Variants in UBE2Q2 observed in about 807,000 individuals in gnomAD.
UBE2Q2 encodes ubiquitin conjugating enzyme E2 Q2.
A neutral mutation model predicts 59.9 loss-of-function variants in UBE2Q2; 54 were observed. The ratio of observed to expected loss-of-function variants is 0.90; its 90% CI spans 0.72 to 1.13. The LOEUF (loss-of-function observed/expected upper bound fraction) is 1.13, where lower values mean the gene tolerates loss of function less well. UBE2Q2 is among the 50% of genes most tolerant of loss of function. The pLI, the probability that UBE2Q2 is intolerant of heterozygous loss-of-function variation, is 0.00. For synonymous variants in UBE2Q2, 165 were observed against 155.2 expected (o/e 1.06, Z -0.47); for missense variants, 433 against 441.9 (o/e 0.98, Z 0.18).
chr15:75,899,841 A>G lies in UBE2Q2; in HGVS notation c.*383A>G, dbSNP rs576649396. On this transcript the variant is annotated 3_prime_UTR_variant, in exon 13 of 13. Transcript: ENST00000267938. ...ACAAGGATTTGCAATATATTGTTCC[A>G]TTTACAGCCAATACAGGTTTAATCG... The G allele has an allele frequency of 1.3e-5, 2 of 156,038 alleles. No homozygotes were observed. The highest frequency in any genetic ancestry group is 2.8e-5 in the Non-Finnish European group (2 of 70,344). The allele number at this position is 156,038 out of a possible 1,614,324, so 9.7% of individuals were successfully genotyped here.
At chr15:75,843,899 G>A (rs1896162485) in intron 1 of UBE2Q2, 53 bp downstream of exon 1, 3 of 1,491,380 alleles carry the variant, frequency 2.0e-6, no homozygotes, top group African/African-American at 2.9e-5. Flanking sequence ...GAGAGGGGGC[G>A]CTTCGAGTCC....
At chr15:75,872,701 A>G (rs1462135446) in intron 4 of UBE2Q2, among the ~76,000 whole-genome samples, 2 of 151,630 alleles carry the variant, frequency 1.3e-5, no homozygotes, top group Non-Finnish European at 2.9e-5. Context: ...CTTTTTTTCT[A>G]GTTATAAACG....
chr15:75,879,104 C>T lies in UBE2Q2; in HGVS notation c.741C>T (p.Asp247=). Residue 247 remains aspartate, a synonymous_variant, in exon 8 of 13, where the codon GAC becomes GAT. Transcript: ENST00000267938. ...YDWHVKLQKV[D]PDSPLHSDLQ... ...TTTGTTTTGTAATTCTTAGGGTTGACCCTGATAGTCCTTTGCACAGTGATC... is the reference window on the plus strand; with the variant it reads ...TTTGTTTTGTAATTCTTAGGGTTGATCCTGATAGTCCTTTGCACAGTGATC... 1 of 1,568,020 alleles carries T rather than the reference C, an allele frequency of 6.4e-7. No individual in the cohort carries two copies. The highest frequency in any genetic ancestry group is 2.0e-5 in the Admixed American group (1 of 50,810).
intron 2 of UBE2Q2, among the ~76,000 whole-genome samples, chr15:75,856,530 G>T (rs950678496): frequency 6.6e-6 from 1 of 152,138 alleles, no homozygotes; most frequent in Non-Finnish European, 1.5e-5. Flanking sequence ...AACTTAATAA[G>T]GAAAGGCTAG....
intron 9 of UBE2Q2, among the ~76,000 whole-genome samples, chr15:75,887,392 A>C (rs540363146): frequency 2.0e-5 from 3 of 152,264 alleles, no homozygotes; most frequent in African/African-American, 7.2e-5. Flanking sequence ...AATGATTTAC[A>C]TAGGTGAAAA....
chr15:75,883,555 G>C, intron 9 of UBE2Q2, 131 bp downstream of exon 9: 1 of 632,480 alleles, frequency 1.6e-6, no homozygotes. Flanking sequence ...TCCCACCTTG[G>C]CCTCCCAAAG....
At chr15:75,863,227 C>G (rs2593282) in intron 3 of UBE2Q2, among the ~76,000 whole-genome samples, 2,014 of 152,314 alleles carry the variant, frequency 0.013, 34 homozygotes, top group African/African-American at 0.045. Context: ...CAATATCCCC[C>G]TAACCTCCAC....
At chr15:75,846,068 CA>C (rs1896329388) in intron 1 of UBE2Q2, among the ~76,000 whole-genome samples, 1 of 152,152 alleles carries the variant, frequency 6.6e-6, no homozygotes, top group South Asian at 2.1e-4. Context: ...GGAAAATCAT[CA>C]AATGTACAAA....
chr15:75,883,490 C>T lies in UBE2Q2; in HGVS notation c.884+66C>T, dbSNP rs554825317. The T allele has an allele frequency of 2.9e-4, 326 of 1,139,536 alleles. 2 individuals are homozygous for T. The highest frequency in any genetic ancestry group is 1.1e-3 in the South Asian group (82 of 75,258). The allele number at this position is 1,139,536 out of a possible 1,614,324, so 70.6% of individuals were successfully genotyped here. ...TAAAAAAAATTTTTTTTTATAGGGA[C>T]GAGATCTCACTATGTTGCCCTGGCT... On this transcript the variant is annotated intron_variant, in intron 9 of 12. Coordinates refer to ENST00000267938, the MANE Select transcript of UBE2Q2 (RefSeq NM_173469.4).
At position 75,857,094 on chromosome 15, in the gene UBE2Q2, C is replaced by T. The variant is rs539546489; in HGVS notation, c.282+2607C>T. 3.3e-5 allele frequency among the ~76,000 whole-genome samples: 5 copies of T among 151,936 alleles called. No homozygotes were observed. In the South Asian group the frequency reaches 6.2e-4, roughly 19 times the overall value. The stretch of plus-strand genomic sequence containing the variant: ...TTGGCAACATAGCAAGACCCTCTTT[C>T]TCTCTCTCTCTGTACACACACATGC... On this transcript the variant is annotated intron_variant, in intron 2 of 12. Transcript: ENST00000267938.
chr15:75,854,999 T>C lies in UBE2Q2; in HGVS notation c.282+512T>C, dbSNP rs199539808. Among the ~76,000 whole-genome samples the C allele has an allele frequency of 2.1e-4, 32 of 152,298 alleles. No individual in the cohort carries two copies. The East Asian group carries it at 5.4e-3, about 26-fold the overall frequency. On this transcript the variant is annotated intron_variant, in intron 2 of 12. Coordinates refer to ENST00000267938, the MANE Select transcript of UBE2Q2 (RefSeq NM_173469.4). Reference sequence around the variant, plus strand: ...GATTATAAAACTCATGAGCAAGCATTATTGAGAAAATTAGTAAAATATAGA... The same window carrying C: ...GATTATAAAACTCATGAGCAAGCATCATTGAGAAAATTAGTAAAATATAGA...
intron 9 of UBE2Q2, among the ~76,000 whole-genome samples, chr15:75,887,482 G>T (rs112001679): frequency 1.3e-5 from 2 of 152,164 alleles, no homozygotes; most frequent in African/African-American, 4.8e-5. Context: ...ACACAAGGAG[G>T]GTAGGACTCA....
At chr15:75,881,122 A>C (rs1345095657) in intron 8 of UBE2Q2, among the ~76,000 whole-genome samples, 1 of 152,202 alleles carries the variant, frequency 6.6e-6, no homozygotes, top group Non-Finnish European at 1.5e-5. Flanking sequence ...GGAACGAATA[A>C]AGCACCCAGG....
chr15:75,856,337 G>A (rs1376937848), intron 2 of UBE2Q2, among the ~76,000 whole-genome samples: 1 of 149,582 alleles, frequency 6.7e-6, no homozygotes, highest in Non-Finnish European at 1.5e-5. Flanking sequence ...TTTGGAAGTT[G>A]ACAAAATGAC....
chr15:75,895,956 C>T (rs1014075237), intron 11 of UBE2Q2, among the ~76,000 whole-genome samples: 1 of 152,148 alleles, frequency 6.6e-6, no homozygotes, highest in Non-Finnish European at 1.5e-5. Context: ...TTGAGAAACC[C>T]TGATGTCCAC....
intron 12 of UBE2Q2, among the ~76,000 whole-genome samples, 197 bp from the exon 13 acceptor site, chr15:75,899,230 G>A (rs1169914849): frequency 6.6e-6 from 1 of 150,628 alleles, no homozygotes; most frequent in East Asian, 1.9e-4. Flanking sequence ...AGCTGAGTTT[G>A]CGCCATTGCA....
At chr15:75,874,646 A>G (rs1450948574) in intron 5 of UBE2Q2, among the ~76,000 whole-genome samples, 1 of 152,208 alleles carries the variant, frequency 6.6e-6, no homozygotes, top group African/African-American at 2.4e-5. Flanking sequence ...GTCTGGTGAC[A>G]AACACACAAT....
intron 7 of UBE2Q2, chr15:75,878,431 A>C (rs1435592700): frequency 2.6e-5 from 4 of 155,950 alleles, no homozygotes; most frequent in Non-Finnish European, 2.8e-5. Flanking sequence ...ATCTCTACAA[A>C]AAAAAAAAAA....
intron 12 of UBE2Q2, among the ~76,000 whole-genome samples, chr15:75,898,106 C>G (rs1899533588): frequency 6.6e-6 from 1 of 152,162 alleles, no homozygotes; most frequent in Non-Finnish European, 1.5e-5. Context: ...TTGGCATATT[C>G]ATACTATTCT....
Sources: allele counts gnomAD v4.1 joint callset (sites outside exome capture counted in the v4.1 genomes callset), GRCh38; gene constraint gnomAD v4.1.1; transcripts MANE v1.5; gene names NCBI Gene and HGNC (gene_info 2026-07-23, HGNC 2026-07-21).